Variants in DAXX observed in about 807,000 individuals in gnomAD.
The protein encoded by DAXX is death domain associated protein, also known as death domain-associated protein 6.
A neutral mutation model predicts 61.9 loss-of-function variants in DAXX; 24 were observed. The ratio of observed to expected loss-of-function variants is 0.39; its 90% CI spans 0.28 to 0.55. DAXX has a LOEUF of 0.55. DAXX is among the 20% of genes least tolerant of loss of function. DAXX has a pLI of 0.69. For synonymous variants in DAXX, 357 were observed against 369.5 expected (o/e 0.97, Z 0.39); for missense variants, 819 against 935.3 (o/e 0.88, Z 1.62).
chr6:33,321,652 AAGGAC>A lies in DAXX; in HGVS notation c.207+62_207+66del. On this transcript the variant is annotated intron_variant, in intron 2 of 7. Transcript: ENST00000374542. The surrounding 1 kb of genome is among the most constrained non-coding windows in gnomAD (Gnocchi z 7.2). ...GGGGAGGTGGGGTTAGTGGGAAAGAAAGGACAGGAGAACCAGTCAGCCATCCCCCT... is the reference window on the plus strand; with the variant it reads ...GGGGAGGTGGGGTTAGTGGGAAAGAAAGGAGAACCAGTCAGCCATCCCCCT... 2 of 1,600,090 alleles carry A rather than the reference AAGGAC, an allele frequency of 1.2e-6. No individual in the cohort carries two copies. The highest frequency in any genetic ancestry group is 2.2e-5 in the South Asian group (2 of 90,456).
intron 1 of DAXX, 81 bp downstream of exon 1, chr6:33,322,781 A>T (rs1770789232): frequency 3.2e-6 from 2 of 624,622 alleles, no homozygotes; most frequent in Non-Finnish European, 5.5e-6. Flanking sequence ...TTCCCCTCAG[A>T]CTCAGCGCCC....
chr6:33,321,392 T>A lies in DAXX; in HGVS notation c.383A>T (p.Asn128Ile), dbSNP rs374904759. Residue 128 changes from asparagine (N) to isoleucine (I), a missense_variant, in exon 3 of 8, where the codon AAT (asparagine) becomes ATT (isoleucine). By Grantham distance (149) the Asn-to-Ile change is moderately radical. Coordinates refer to ENST00000374542, the MANE Select transcript of DAXX (RefSeq NM_001141969.2). This position sits in a 1 kb window ranked among gnomAD's most constrained non-coding sequence, Gnocchi z 7.2. The part of the protein sequence containing the change: ...SRPAKLYVYI[N>I]ELCTVLKAHS... The stretch of plus-strand genomic sequence containing the variant: ...GGCCTTGAGAACAGTGCAGAGCTCA[T>A]TGATGTAGACATAGAGCTTGGCTGG... The A allele has an allele frequency of 3.7e-6, 6 of 1,613,696 alleles. No homozygotes were observed. Among genetic ancestry groups the A allele is most frequent in the Non-Finnish European group, 5.1e-6 (6 of 1,179,594 alleles).
chr6:33,320,494 A>G lies in DAXX; in HGVS notation c.1137T>C (p.Tyr379=), dbSNP rs1059231. The G allele has an allele frequency of 0.29, 466,215 of 1,612,622 alleles. 71,056 individuals carry two copies. The highest frequency in any genetic ancestry group is 0.34 in the Admixed American group (20,567 of 59,982). Reference sequence around the variant, plus strand: ...CCTCACTTTTGTCTTGCAACATTGCATATTTGGAGATGACCTCATCCAGCC... The same window carrying G: ...CCTCACTTTTGTCTTGCAACATTGCGTATTTGGAGATGACCTCATCCAGCC... ...MSRLDEVISK[Y]AMLQDKSEEG... is the part of the protein sequence containing the mutation. The change falls in exon 4 of 8, where the codon TAT becomes TAC. Residue 379 remains tyrosine, a synonymous_variant. Coordinates refer to ENST00000374542, the MANE Select transcript of DAXX (RefSeq NM_001141969.2). The surrounding 1 kb of genome is among the most constrained non-coding windows in gnomAD (Gnocchi z 7.1).
Position 33,320,220 on chromosome 6 carries a change from G to A in DAXX, c.1256C>T (p.Pro419Leu). The A allele has an allele frequency of 2.5e-6, 4 of 1,608,758 alleles. No homozygotes were observed. Among genetic ancestry groups the A allele is most frequent in the Non-Finnish European group, 3.4e-6 (4 of 1,175,302 alleles). The change falls in exon 5 of 8, where the codon CCT (proline) becomes CTT (leucine). Residue 419 changes from proline to leucine, a missense_variant. Pro to Leu is a moderately conservative substitution (Grantham distance 98, BLOSUM62 -3). Transcript: ENST00000374542. This position sits in a 1 kb window ranked among gnomAD's most constrained non-coding sequence, Gnocchi z 7.1. ...GCACCCCTGGGATGCCATTCCACTA[G>A]GGCCCTGGGAGACAAAGAAGTTTCT... The part of the protein sequence containing the change: ...PEASLDSGEG[P>L]SGMASQGCPS...
rs1770645955 is a variant in DAXX at position 33,321,736 on chromosome 6, C to T, written c.190G>A (p.Glu64Lys). 6.2e-7 allele frequency: 1 copy of T among 1,613,446 alleles called. No individual in the cohort carries two copies. The highest frequency in any genetic ancestry group is 1.1e-5 in the South Asian group (1 of 91,084). ...GGKKCYKLEN[E>K]KLFEEFLELC... The stretch of plus-strand genomic sequence containing the variant: ...AAGCTCACCTCTTCGAACAGCTTCT[C>T]ATTCTCCAGCTTGTAGCATTTCTTG... Residue 64 changes from glutamate (E) to lysine (K), a missense_variant, in exon 2 of 8, where the codon GAG becomes AAG. Coordinates refer to ENST00000374542, the MANE Select transcript of DAXX (RefSeq NM_001141969.2). This position sits in a 1 kb window ranked among gnomAD's most constrained non-coding sequence, Gnocchi z 7.2.
Position 33,320,103 on chromosome 6 carries a change from G to T in DAXX, c.1373C>A (p.Ala458Asp). 6.2e-7 allele frequency: 1 copy of T among 1,613,456 alleles called. No homozygotes were observed. The highest frequency in any genetic ancestry group is 1.1e-5 in the South Asian group (1 of 91,038). ...EEEEEEEEEE[A>D]TDSEEEEDLE... ...ATCCTCCTCCTCTTCAGAATCTGTG[G>T]CCTCCTCCTCTTCTTCTTCCTCCTC... The change falls in exon 5 of 8, where the codon GCC (alanine) becomes GAC (aspartate). Residue 458 changes from alanine (A) to aspartate (D), a missense_variant. Physicochemically the swap from Ala to Asp is moderately radical, Grantham distance 126 (BLOSUM62 -2). Coordinates refer to ENST00000374542, the MANE Select transcript of DAXX (RefSeq NM_001141969.2). The surrounding 1 kb of genome is among the most constrained non-coding windows in gnomAD (Gnocchi z 7.1).
chr6:33,320,907 G>C lies in DAXX; in HGVS notation c.868C>G (p.Leu290Val). 1 of 1,614,182 alleles carries C rather than the reference G, an allele frequency of 6.2e-7. No individual in the cohort carries two copies. The highest frequency in any genetic ancestry group is 8.5e-7 in the Non-Finnish European group (1 of 1,180,020). ...GCAGCTGCCTTCTCTACAGCCCGAA[G>C]CACATCCCCATAGTCAGGGAAGGTA... ...PDTFPDYGDV[L>V]RAVEKAAARH... Residue 290 changes from leucine to valine, a missense_variant, in exon 3 of 8, where the codon CTT (leucine) becomes GTT (valine). By Grantham distance (32) the Leu-to-Val change is conservative. Coordinates refer to ENST00000374542, the MANE Select transcript of DAXX (RefSeq NM_001141969.2). The surrounding 1 kb of genome is among the most constrained non-coding windows in gnomAD (Gnocchi z 7.1).
rs762814956 is a variant in DAXX, at chr6:33,322,879, G to T, written c.-70C>A. On this transcript the variant is annotated 5_prime_UTR_variant, in exon 1 of 8. Coordinates refer to ENST00000374542, the MANE Select transcript of DAXX (RefSeq NM_001141969.2). ...GCCCCCACCTCAGAAACCGTCTCTC[G>T]AGGCGACCCTCGCCGCAATTCTCAG... 1.4e-6 allele frequency: 2 copies of T among 1,411,408 alleles called. No individual in the cohort carries two copies. The highest frequency in any genetic ancestry group is 3.2e-5 in the East Asian group (1 of 31,642). 87.4% of individuals were successfully genotyped at this position (1,411,408 alleles called of 1,614,324 possible).
In DAXX at chr6:33,322,959, C is replaced by G; in HGVS notation, c.-150G>C. On this transcript the variant is annotated 5_prime_UTR_variant, in exon 1 of 8. Transcript: ENST00000374542. Reference sequence around the variant, plus strand: ...CCCACTCCCACCGCAGGCCCCACTACGGACCGGAAGTCACAGAGTTTCCGC... The same window carrying G: ...CCCACTCCCACCGCAGGCCCCACTAGGGACCGGAAGTCACAGAGTTTCCGC... The G allele has an allele frequency of 8.8e-7, 1 of 1,138,064 alleles. No homozygotes were observed. Among genetic ancestry groups the G allele is most frequent in the Non-Finnish European group, 1.3e-6 (1 of 788,386 alleles). The allele number at this position is 1,138,064 out of a possible 1,614,324, so 70.5% of individuals were successfully genotyped here. A position where few individuals can be genotyped will look rare whatever the true frequency, so the allele number is the denominator to read the frequency against.
In DAXX at chr6:33,319,618, C is replaced by G. The variant is rs943558347; in HGVS notation, c.1702G>C (p.Glu568Gln). 3 of 1,613,764 alleles carry G rather than the reference C, an allele frequency of 1.9e-6. No homozygotes were observed. The highest frequency in any genetic ancestry group is 2.5e-6 in the Non-Finnish European group (3 of 1,179,688). Residue 568 changes from glutamate (E) to glutamine (Q), a missense_variant, in exon 6 of 8, where the codon GAG becomes CAG. Glu to Gln is a conservative substitution (Grantham distance 29, BLOSUM62 2). Coordinates refer to ENST00000374542, the MANE Select transcript of DAXX (RefSeq NM_001141969.2). ...EEESPVSQLF[E>Q]LEIEALPLDT... Reference sequence around the variant, plus strand: ...AGGGGCAAAGCTTCAATCTCTAGCTCAAAGAGCTGAGACACAGGGCTTTCT... The same window carrying G: ...AGGGGCAAAGCTTCAATCTCTAGCTGAAAGAGCTGAGACACAGGGCTTTCT...
Position 33,319,527 on chromosome 6 carries a change from G to A in DAXX, c.1793C>T (p.Thr598Ile), listed in dbSNP as rs778269315. ...GCCTGCTCCATTCTCTAAGACAGTG[G>A]TGAAGGGCTCCTCTGATTGCTTCCT... The part of the protein sequence containing the change: ...SSRKQSEEPF[T>I]TVLENGAGMV... The change falls in exon 6 of 8, where the codon ACC becomes ATC. Residue 598 changes from threonine to isoleucine, a missense_variant. Transcript: ENST00000374542. 1.9e-6 allele frequency: 3 copies of A among 1,614,032 alleles called. No individual in the cohort carries two copies. The highest frequency in any genetic ancestry group is 2.5e-6 in the Non-Finnish European group (3 of 1,180,028).
rs1770810440 is a variant in DAXX, at chr6:33,322,878, C to T, written c.-69G>A. On this transcript the variant is annotated 5_prime_UTR_variant, in exon 1 of 8. Coordinates refer to ENST00000374542, the MANE Select transcript of DAXX (RefSeq NM_001141969.2). ...GGCCCCCACCTCAGAAACCGTCTCT[C>T]GAGGCGACCCTCGCCGCAATTCTCA... is the stretch of plus-strand genomic sequence containing the variant. 2.1e-6 allele frequency: 3 copies of T among 1,435,444 alleles called. No homozygotes were observed. Among genetic ancestry groups the T allele is most frequent in the East Asian group, 3.0e-5 (1 of 33,184 alleles). The allele number at this position is 1,435,444 out of a possible 1,614,324, so 88.9% of individuals were successfully genotyped here.
At chr6:33,318,884 G>A in intron 7 of DAXX, 82 bp from the exon 8 acceptor site, 1 of 1,263,318 alleles carries the variant, frequency 7.9e-7, no homozygotes, top group Non-Finnish European at 1.1e-6. Flanking sequence ...GGATAAAATG[G>A]GTGGGAAAAA....
rs2150996324 is a variant in DAXX, at chr6:33,321,216, G to A, written c.559C>T (p.Gln187Ter). ...QSPRTRGSRR[Q>*]IQRLEQLLAL... ...AGCAGCTGCTCCAAACGCTGGATCT[G>A]CCGCCGGGAACCACGGGTCCTTGGA... The change falls in exon 3 of 8, where the codon CAG becomes TAG. Residue 187 changes from glutamine (Q) to a stop codon, truncating the protein, a stop_gained. Transcript: ENST00000374542. LOFTEE classifies it high-confidence loss of function. This position sits in a 1 kb window ranked among gnomAD's most constrained non-coding sequence, Gnocchi z 7.2. 1 of 1,612,686 alleles carries A rather than the reference G, an allele frequency of 6.2e-7. No homozygotes were observed. Among genetic ancestry groups the A allele is most frequent in the Non-Finnish European group, 8.5e-7 (1 of 1,178,648 alleles).
chr6:33,319,149 A>C lies in DAXX; in HGVS notation c.2011T>G (p.Ser671Ala). 1 of 1,613,930 alleles carries C rather than the reference A, an allele frequency of 6.2e-7. No individual in the cohort carries two copies. Among genetic ancestry groups the C allele is most frequent in the South Asian group, 1.1e-5 (1 of 91,068 alleles). Residue 671 changes from serine to alanine, a missense_variant, in exon 7 of 8, where the codon TCC becomes GCC. By Grantham distance (99) the Ser-to-Ala change is moderately conservative. Coordinates refer to ENST00000374542, the MANE Select transcript of DAXX (RefSeq NM_001141969.2). ...KKICTLPSPP[S>A]PLASLAPVAD... The stretch of plus-strand genomic sequence containing the variant: ...ACTGGGGCCAAGGAAGCCAAGGGGG[A>C]AGGTGGGCTGGGCAGGGTACATATC...
Position 33,319,588 on chromosome 6 carries a change from T to A in DAXX, c.1732A>T (p.Thr578Ser), listed in dbSNP as rs2150988969. The A allele has an allele frequency of 6.2e-7, 1 of 1,614,010 alleles. No homozygotes were observed. Among genetic ancestry groups the A allele is most frequent in the Non-Finnish European group, 8.5e-7 (1 of 1,179,986 alleles). ...ATGTCCGTCTCCACAGAGGAAGGGG[T>A]ATCCAGGGGCAAAGCTTCAATCTCT... ...ELEIEALPLD[T>S]PSSVETDISS... The change falls in exon 6 of 8, where the codon ACC becomes TCC. Residue 578 changes from threonine to serine, a missense_variant. By Grantham distance (58) the Thr-to-Ser change is moderately conservative. Transcript: ENST00000374542.
rs138962926 is a variant in DAXX at position 33,320,553 on chromosome 6, G to A, written c.1078C>T (p.Arg360Cys). Residue 360 changes from arginine (R) to cysteine (C), a missense_variant, in exon 4 of 8, where the codon CGC becomes TGC. Coordinates refer to ENST00000374542, the MANE Select transcript of DAXX (RefSeq NM_001141969.2). This position sits in a 1 kb window ranked among gnomAD's most constrained non-coding sequence, Gnocchi z 7.1. The part of the protein sequence containing the change: ...PALSDPVLAR[R>C]LRENRSLAMS... Reference sequence around the variant, plus strand: ...GCCAAACTCCGGTTTTCCCGAAGGCGCCGGGCCAACACAGGATCTGATAGT... The same window carrying A: ...GCCAAACTCCGGTTTTCCCGAAGGCACCGGGCCAACACAGGATCTGATAGT... 28 of 1,613,818 alleles carry A rather than the reference G, an allele frequency of 1.7e-5. No homozygotes were observed. In the South Asian group the frequency reaches 1.9e-4, roughly 11 times the overall value.
Position 33,320,675 on chromosome 6 carries a change from C to A in DAXX, c.1039+61G>T. Reference sequence around the variant, plus strand: ...AACCCTAGAAAGGACTAGAGAGATGCCCCATCCGCCTCATACCTGACATAT... The same window carrying A: ...AACCCTAGAAAGGACTAGAGAGATGACCCATCCGCCTCATACCTGACATAT... On this transcript the variant is annotated intron_variant, in intron 3 of 7. Coordinates refer to ENST00000374542, the MANE Select transcript of DAXX (RefSeq NM_001141969.2). The surrounding 1 kb of genome is among the most constrained non-coding windows in gnomAD (Gnocchi z 7.1). 6.2e-7 allele frequency: 1 copy of A among 1,603,854 alleles called. No homozygotes were observed. Among genetic ancestry groups the A allele is most frequent in the Non-Finnish European group, 8.5e-7 (1 of 1,173,664 alleles).
rs1161416979 is a variant in DAXX, at chr6:33,321,502, C to T, written c.273G>A (p.Arg91=). 3 of 1,613,848 alleles carry T rather than the reference C, an allele frequency of 1.9e-6. No individual in the cohort carries two copies. The African/African-American group carries it at 4.0e-5, about 22-fold the overall frequency. ...HPEVVPFLYN[R]QQRAHSLFLA... is the part of the protein sequence containing the mutation. ...AAAACAGAGAGTGGGCACGTTGCTGCCGGTTATAGAGGAATGGGACCACCT... is the reference window on the plus strand; with the variant it reads ...AAAACAGAGAGTGGGCACGTTGCTGTCGGTTATAGAGGAATGGGACCACCT... The change falls in exon 3 of 8, where the codon CGG becomes CGA. Residue 91 remains arginine (R), a synonymous_variant. Coordinates refer to ENST00000374542, the MANE Select transcript of DAXX (RefSeq NM_001141969.2). The surrounding 1 kb of genome is among the most constrained non-coding windows in gnomAD (Gnocchi z 7.2).
Sources: allele counts gnomAD v4.1 joint callset, GRCh38; gene constraint gnomAD v4.1.1; non-coding constraint Gnocchi (gnomAD v3.1); transcripts MANE v1.5; gene names NCBI Gene and HGNC (gene_info 2026-07-23, HGNC 2026-07-21).